The following PCDH15 variants were observed in gnomAD, a reference collection of about 807,000 sequenced individuals.
PCDH15 encodes the protein protocadherin related 15, also known as protocadherin-15.
In PCDH15, 129 loss-of-function variants were observed where a neutral mutation model predicts 178.5. That is an observed-to-expected ratio of 0.72 (90% CI 0.63 to 0.84). PCDH15 has a LOEUF of 0.84. Ranked by LOEUF, PCDH15 falls within the 40% of genes least tolerant of loss-of-function variation. The probability of loss-of-function intolerance (pLI) is 0.00; values close to 1 mark genes in which losing one functional copy is unlikely to be tolerated. For missense variants in PCDH15, 2,230 were observed against 2,099.9 expected, an observed-to-expected ratio of 1.06 and a Z score of -1.21; for synonymous variants, 800 against 732.0, an observed-to-expected ratio of 1.09 and a Z score of -1.50.
At chr10:54,482,386 A>C (rs561809830) in intron 3 of PCDH15, among the ~76,000 whole-genome samples, 2 of 152,014 alleles carry the variant, frequency 1.3e-5, no homozygotes, top group African/African-American at 4.8e-5. Context: ...AGCAGATTCA[A>C]GTGATAGAGA....
chr10:53,917,638 T>C (rs2083634550), intron 25 of PCDH15, among the ~76,000 whole-genome samples: 2 of 152,168 alleles, frequency 1.3e-5, no homozygotes, highest in African/African-American at 4.8e-5. Flanking sequence ...CTATGTTCTT[T>C]TTTTTCTTGA....
intron 2 of PCDH15, among the ~76,000 whole-genome samples, chr10:55,614,114 A>G (rs79828647): frequency 4.8e-4 from 1 of 2,090 alleles, no homozygotes. Context: ...ACTCCATCTC[A>G]AAAAAAAAAA....
In PCDH15 at chr10:55,432,165, A is replaced by G. The variant is rs538573489; in HGVS notation, c.-156+195460T>C. On this transcript the variant is annotated intron_variant, in intron 2 of 5. Transcript: ENST00000613346. The stretch of plus-strand genomic sequence containing the variant: ...CTTCAATGACTTCATTGATCAGTTA[A>G]TATTTCAGCAGGAATTGGAAGAAAG... 1.3e-3 allele frequency among the ~76,000 whole-genome samples: 201 copies of G among 152,056 alleles called. 1 individual carries two copies. The highest frequency in any genetic ancestry group is 2.5e-3 in the Non-Finnish European group (169 of 67,952).
chr10:54,937,765 G>T (rs895029044), intron 2 of PCDH15, among the ~76,000 whole-genome samples: 3 of 151,896 alleles, frequency 2.0e-5, no homozygotes, highest in Non-Finnish European at 2.9e-5. Context: ...GAATTCCTTA[G>T]AATTTTCCAT....
intron 2 of PCDH15, among the ~76,000 whole-genome samples, chr10:55,096,411 C>A (rs1369605936): frequency 6.6e-6 from 1 of 152,034 alleles, no homozygotes; most frequent in Non-Finnish European, 1.5e-5. Context: ...TTTTGATACA[C>A]ATATATATAG....
chr10:54,628,630 ACTTTAGGT>A lies in PCDH15; in HGVS notation c.91+35534_91+35541del, dbSNP rs531278798. Reference sequence around the variant, plus strand: ...GCAAAATTATTATACGTGATTAATTACTTTAGGTCTTTCATCAGTTTATGGTAGAGTAA... The same window carrying A: ...GCAAAATTATTATACGTGATTAATTACTTTCATCAGTTTATGGTAGAGTAA... On this transcript the variant is annotated intron_variant, in intron 2 of 37. Coordinates refer to ENST00000644397, the MANE Select transcript of PCDH15 (RefSeq NM_001384140.1). 3.3e-5 allele frequency among the ~76,000 whole-genome samples: 5 copies of A among 152,280 alleles called. No individual in the cohort carries two copies. The South Asian group carries it at 1.0e-3, about 32-fold the overall frequency.
intron 2 of PCDH15, among the ~76,000 whole-genome samples, chr10:55,373,755 G>A (rs2131992314): frequency 6.6e-6 from 1 of 152,174 alleles, no homozygotes. Context: ...CCTATGTCCT[G>A]AATGGTATTG....
At chr10:55,532,797 T>G (rs945053488) in intron 2 of PCDH15, among the ~76,000 whole-genome samples, 1 of 152,122 alleles carries the variant, frequency 6.6e-6, no homozygotes, top group South Asian at 2.1e-4. Flanking sequence ...GGGTAAAATA[T>G]CCTTAATAAC....
chr10:54,304,387 G>A (rs1400985086), intron 8 of PCDH15, among the ~76,000 whole-genome samples: 1 of 152,022 alleles, frequency 6.6e-6, no homozygotes, highest in African/African-American at 2.4e-5. Context: ...AGGAAATTTG[G>A]GAAGTTATAT....
intron 33 of PCDH15, among the ~76,000 whole-genome samples, chr10:53,819,731 C>CAGTT (rs2076189122): frequency 6.6e-6 from 1 of 151,788 alleles, no homozygotes; most frequent in Non-Finnish European, 1.5e-5. Context: ...AGGTTGTAAG[C>CAGTT]AGTTAGGGTT....
intron 2 of PCDH15, among the ~76,000 whole-genome samples, chr10:55,619,140 C>T (rs1843537572): frequency 6.6e-6 from 1 of 151,904 alleles, no homozygotes. Context: ...ATGTACTAAA[C>T]CCAATATTTC....
intron 1 of PCDH15, among the ~76,000 whole-genome samples, chr10:55,227,907 C>T (rs1443130157): frequency 1.3e-5 from 2 of 152,040 alleles, no homozygotes; most frequent in Admixed American, 6.6e-5. Context: ...TTTTATTTTA[C>T]ATTTTTTACA....
chr10:54,009,133 T>A (rs983587657), intron 20 of PCDH15, among the ~76,000 whole-genome samples: 2 of 151,906 alleles, frequency 1.3e-5, no homozygotes, highest in Non-Finnish European at 2.9e-5. Context: ...AAGAGAGGTA[T>A]GAAAAGAAAA....
intron 15 of PCDH15, among the ~76,000 whole-genome samples, chr10:54,126,491 T>G (rs907444449): frequency 6.6e-6 from 1 of 152,134 alleles, no homozygotes; most frequent in Admixed American, 6.6e-5. Context: ...GTCCCCATTA[T>G]TTTAATAAAT....
chr10:54,269,598 T>A (rs2057918638), intron 8 of PCDH15, among the ~76,000 whole-genome samples: 1 of 151,880 alleles, frequency 6.6e-6, no homozygotes, highest in Non-Finnish European at 1.5e-5. Context: ...AGGTATACTC[T>A]CAGGTGTTAA....
intron 1 of PCDH15, among the ~76,000 whole-genome samples, chr10:55,181,206 T>C (rs191626599): frequency 1.3e-5 from 2 of 152,162 alleles, no homozygotes; most frequent in African/African-American, 4.8e-5. Context: ...TGACATTCTG[T>C]GATTTATAAT....
chr10:53,992,122 G>A lies in PCDH15; in HGVS notation c.2868+3527C>T, dbSNP rs191451987. Among the ~76,000 whole-genome samples the A allele has an allele frequency of 1.5e-3, 231 of 151,922 alleles. 2 individuals are homozygous for A. The highest frequency in any genetic ancestry group is 5.4e-3 in the African/African-American group (223 of 41,224). On this transcript the variant is annotated intron_variant, in intron 21 of 37. Coordinates refer to ENST00000644397, the MANE Select transcript of PCDH15 (RefSeq NM_001384140.1). Reference sequence around the variant, plus strand: ...AGCGAGACCATGAACCCACTGGGAGGAATGAGCAACTCTGGACGGGAGGAA... The same window carrying A: ...AGCGAGACCATGAACCCACTGGGAGAAATGAGCAACTCTGGACGGGAGGAA...
At chr10:54,798,389 A>G (rs1309502500) in intron 1 of PCDH15, among the ~76,000 whole-genome samples, 1 of 152,078 alleles carries the variant, frequency 6.6e-6, no homozygotes, top group Non-Finnish European at 1.5e-5. Flanking sequence ...AAGAAAATAT[A>G]TCAAACCTCA....
chr10:55,567,500 G>A (rs1842325769), intron 2 of PCDH15, among the ~76,000 whole-genome samples: 1 of 150,642 alleles, frequency 6.6e-6, no homozygotes, highest in Non-Finnish European at 1.5e-5. Flanking sequence ...ACAGTAAAAG[G>A]CAATTTACCT....
Sources: allele counts gnomAD v4.1 joint callset (sites outside exome capture counted in the v4.1 genomes callset), GRCh38; gene constraint gnomAD v4.1.1; transcripts MANE v1.5; gene names NCBI Gene and HGNC (gene_info 2026-07-23, HGNC 2026-07-21).